The following SOX5 variants were observed in gnomAD, a reference collection of about 807,000 sequenced individuals.
SOX5 encodes the protein SRY-box transcription factor 5, also known as transcription factor SOX-5.
SOX5 carries 9 observed loss-of-function variants against 92.0 expected under a neutral mutation model. The ratio of observed to expected loss-of-function variants is 0.10; its 90% CI spans 0.06 to 0.17. The LOEUF is 0.17. Among genes scored for constraint, SOX5 ranks in the 10% least tolerant of loss-of-function variants. The pLI is 1.00. For missense variants in SOX5, 642 were observed against 944.5 expected, an observed-to-expected ratio of 0.68 and a Z score of 4.20; for synonymous variants, 344 against 336.3, an observed-to-expected ratio of 1.02 and a Z score of -0.25.
intron 2 of SOX5, among the ~76,000 whole-genome samples, chr12:24,341,704 T>A (rs1179298921): frequency 6.6e-6 from 1 of 152,162 alleles, no homozygotes; most frequent in East Asian, 1.9e-4. Flanking sequence ...TGAGAGAAAC[T>A]GGCAGGATAC....
At chr12:24,023,160 A>G (rs1954508968) in intron 4 of SOX5, among the ~76,000 whole-genome samples, 1 of 152,174 alleles carries the variant, frequency 6.6e-6, no homozygotes, top group African/African-American at 2.4e-5. Flanking sequence ...TATTTATGCA[A>G]GCCATGTTCT....
chr12:24,015,000 C>A (rs1035278120), intron 4 of SOX5, among the ~76,000 whole-genome samples: 1 of 152,102 alleles, frequency 6.6e-6, no homozygotes, highest in Non-Finnish European at 1.5e-5. Context: ...CTCTAACTTG[C>A]AGAGGAATCA....
chr12:23,881,808 T>C (rs2096993645), intron 2 of SOX5, among the ~76,000 whole-genome samples: 1 of 152,168 alleles, frequency 6.6e-6, no homozygotes, highest in South Asian at 2.1e-4. Flanking sequence ...GAATGAAGTT[T>C]GGATTTTTAA....
intron 4 of SOX5, among the ~76,000 whole-genome samples, chr12:24,086,942 G>T (rs886869271): frequency 6.6e-5 from 10 of 152,006 alleles, no homozygotes; most frequent in Admixed American, 3.3e-4. Context: ...CAATAGTTCG[G>T]AATGTACCAA....
At chr12:23,554,766 G>T (rs1363000775) in intron 11 of SOX5, among the ~76,000 whole-genome samples, 1 of 152,108 alleles carries the variant, frequency 6.6e-6, no homozygotes, top group African/African-American at 2.4e-5. Flanking sequence ...AAATAAATGC[G>T]ACATTCCTCC....
At chr12:23,616,913 A>T (rs998513971) in intron 8 of SOX5, among the ~76,000 whole-genome samples, 1 of 152,108 alleles carries the variant, frequency 6.6e-6, no homozygotes, top group African/African-American at 2.4e-5. Context: ...TGAGGGCAGG[A>T]GTTTGAGACG....
At chr12:23,702,102 T>C (rs1032730797) in intron 6 of SOX5, among the ~76,000 whole-genome samples, 6 of 152,108 alleles carry the variant, frequency 3.9e-5, no homozygotes, top group Non-Finnish European at 8.8e-5. Context: ...AACAGATTCA[T>C]ATCTCTTATA....
intron 1 of SOX5, among the ~76,000 whole-genome samples, chr12:24,466,136 G>A (rs1207385898): frequency 6.6e-6 from 1 of 152,114 alleles, no homozygotes; most frequent in Non-Finnish European, 1.5e-5. Context: ...GGAGAATGAA[G>A]AATATGGTCA....
At chr12:24,132,772 A>G (rs1949768616) in intron 4 of SOX5, among the ~76,000 whole-genome samples, 2 of 152,336 alleles carry the variant, frequency 1.3e-5, no homozygotes, top group Middle Eastern at 3.4e-3. Flanking sequence ...GAACTCATAA[A>G]CTAAATTTTG....
intron 4 of SOX5, among the ~76,000 whole-genome samples, chr12:23,747,961 T>TAAA (rs35270726): frequency 3.1e-4 from 43 of 140,136 alleles, no homozygotes; most frequent in Admixed American, 5.0e-4. Context: ...TGAAAGAGAT[T>TAAA]AAAAAAAAAA....
intron 4 of SOX5, among the ~76,000 whole-genome samples, chr12:23,970,841 A>ATATATATATTTTTTTTTTTTTT: frequency 3.7e-4 from 8 of 21,882 alleles, no homozygotes; most frequent in South Asian, 2.2e-3. Flanking sequence ...TATATATATA[A>ATATATATATTTTTTTTTTTTTT]TTTTTTTTTT....
chr12:23,864,982 A>G (rs1245294019), intron 2 of SOX5, among the ~76,000 whole-genome samples: 1 of 152,222 alleles, frequency 6.6e-6, no homozygotes, highest in Non-Finnish European at 1.5e-5. Flanking sequence ...GCTTCAAACA[A>G]CAGCCTGGCT....
At chr12:23,639,230 T>C (rs530522056) in intron 8 of SOX5, among the ~76,000 whole-genome samples, 2 of 152,276 alleles carry the variant, frequency 1.3e-5, no homozygotes, top group African/African-American at 4.8e-5. Context: ...AAATCTCATA[T>C]AGTATAAAAA....
chr12:23,670,408 G>T (rs545498304), intron 6 of SOX5, among the ~76,000 whole-genome samples: 37 of 152,126 alleles, frequency 2.4e-4, no homozygotes, highest in Non-Finnish European at 5.1e-4. Context: ...GTAAAGTGAA[G>T]CAAAGGCTTT....
intron 1 of SOX5, among the ~76,000 whole-genome samples, chr12:24,426,455 A>G (rs1195329963): frequency 6.6e-6 from 1 of 152,270 alleles, no homozygotes; most frequent in African/African-American, 2.4e-5. Flanking sequence ...CTAGAACTTA[A>G]AGTATGATTT....
At chr12:23,677,728 A>C (rs1174492533) in intron 6 of SOX5, among the ~76,000 whole-genome samples, 1 of 152,168 alleles carries the variant, frequency 6.6e-6, no homozygotes, top group Non-Finnish European at 1.5e-5. Context: ...TCTATTTTTT[A>C]GCTAGCAGGT....
intron 1 of SOX5, among the ~76,000 whole-genome samples, chr12:24,480,999 G>A (rs1945930310): frequency 6.6e-6 from 1 of 152,056 alleles, no homozygotes; most frequent in Admixed American, 6.5e-5. Context: ...AGATTCAGAA[G>A]CAACCTAAGT....
intron 1 of SOX5, among the ~76,000 whole-genome samples, chr12:23,910,896 G>C (rs947799959): frequency 6.6e-6 from 1 of 152,074 alleles, no homozygotes; most frequent in African/African-American, 2.4e-5. Context: ...ATCTATAGTT[G>C]CTTTCAGATC....
At chr12:23,882,524 T>C (rs2097006451) in intron 2 of SOX5, among the ~76,000 whole-genome samples, 3 of 152,154 alleles carry the variant, frequency 2.0e-5, no homozygotes, top group Admixed American at 2.0e-4. Flanking sequence ...TGTTATTGTG[T>C]TGATATTGTT....
Sources: gnomAD v4.1 joint callset for allele counts (sites outside exome capture counted in the v4.1 genomes callset) on GRCh38, gnomAD v4.1.1 for gene constraint, MANE v1.5 for transcripts, NCBI Gene and HGNC (gene_info 2026-07-23, HGNC 2026-07-21) for gene names.